Variants in BCL7C observed in about 807,000 individuals in gnomAD.
The protein encoded by BCL7C is B-cell CLL/lymphoma 7 protein family member C.
A neutral mutation model predicts 26.2 loss-of-function variants in BCL7C; 8 were observed. The ratio of observed to expected loss-of-function variants is 0.30; its 90% CI spans 0.18 to 0.55. The LOEUF is 0.55. BCL7C is among the 20% of genes least tolerant of loss of function. The pLI is 0.93. For synonymous variants in BCL7C, 90 were observed against 116.5 expected (o/e 0.77, Z 1.47); for missense variants, 262 against 298.5 (o/e 0.88, Z 0.90).
chr16:30,886,821 GA>G (rs1173361144), downstream of BCL7C, among the ~76,000 whole-genome samples: 1 of 152,160 alleles, frequency 6.6e-6, no homozygotes. Context: ...TCAGGGCAGG[GA>G]ATGGGTTGGT....
intron 5 of BCL7C, among the ~76,000 whole-genome samples, chr16:30,836,896 C>T (rs747190727): frequency 4.6e-5 from 7 of 151,662 alleles, no homozygotes; most frequent in Non-Finnish European, 7.4e-5. Flanking sequence ...CAGGTTCAAG[C>T]GATTCTCCTG....
chr16:30,851,709 A>T, intron 5 of BCL7C: 1 of 715,962 alleles, frequency 1.4e-6, no homozygotes, highest in Non-Finnish European at 2.3e-6. Context: ...AGAAAGTTGC[A>T]GTGGATCAGA....
At chr16:30,858,460 T>TA (rs1311375468) in intron 5 of BCL7C, among the ~76,000 whole-genome samples, 1 of 152,128 alleles carries the variant, frequency 6.6e-6, no homozygotes, top group Non-Finnish European at 1.5e-5. Flanking sequence ...TGCTTATTCC[T>TA]AGGGACCCAA....
In BCL7C at chr16:30,881,691, G is replaced by A. The variant is rs371694354; in HGVS notation, c.528+7169C>T. The stretch of plus-strand genomic sequence containing the variant: ...CACTCCCCTGCCCCTCCCTCCCTCC[G>A]CTCCAGTCACACTGGCTCTCCTTTG... On this transcript the variant is annotated intron_variant, in intron 5 of 5. Transcript: ENST00000380317. 5.1e-4 allele frequency among the ~76,000 whole-genome samples: 78 copies of A among 151,768 alleles called. 1 individual carries two copies. The highest frequency in any genetic ancestry group is 1.8e-3 in the African/African-American group (75 of 41,364).
At chr16:30,855,437 T>G (rs1382067561) in intron 5 of BCL7C, among the ~76,000 whole-genome samples, 7 of 151,896 alleles carry the variant, frequency 4.6e-5, no homozygotes, top group Non-Finnish European at 8.8e-5. Flanking sequence ...GAGATGGGGT[T>G]TCACCACATT....
chr16:30,858,584 G>T lies in BCL7C; in HGVS notation c.529-23436C>A, dbSNP rs192351240. On this transcript the variant is annotated intron_variant, in intron 5 of 5. Transcript: ENST00000380317. ...CCAGTGGTTCACAGACCCATCCTGT[G>T]GTTACTTCCTCAATGCCAGGAAAAA... Among the ~76,000 whole-genome samples the T allele has an allele frequency of 8.5e-5, 13 of 152,248 alleles. No individual in the cohort carries two copies. In the East Asian group the frequency reaches 2.5e-3, roughly 29 times the overall value.
rs753441767 is a variant in BCL7C, at chr16:30,892,797, C to T, written c.280+43G>A. 6 of 1,614,000 alleles carry T rather than the reference C, an allele frequency of 3.7e-6. No individual in the cohort carries two copies. The Admixed American group carries it at 1.0e-4, about 27-fold the overall frequency. The stretch of plus-strand genomic sequence containing the variant: ...TTGGCCTGAGATCCCTAGTACACTC[C>T]TTCAGTCCCCACAGCCCCCCGCGTT... On this transcript the variant is annotated intron_variant, in intron 3 of 5. Coordinates refer to ENST00000215115, the MANE Select transcript of BCL7C (RefSeq NM_004765.4).
At chr16:30,845,665 C>T (rs979210033) in intron 5 of BCL7C, among the ~76,000 whole-genome samples, 1 of 151,768 alleles carries the variant, frequency 6.6e-6, no homozygotes, top group African/African-American at 2.4e-5. Context: ...ATCTCAGCCC[C>T]GGGGATAGTA....
Position 30,860,744 on chromosome 16 carries a change from C to T in BCL7C, c.529-25596G>A, listed in dbSNP as rs1373890104. Among the ~76,000 whole-genome samples the T allele has an allele frequency of 2.6e-5, 4 of 152,148 alleles. No homozygotes were observed. In the East Asian group the frequency reaches 5.8e-4, roughly 22 times the overall value. The stretch of plus-strand genomic sequence containing the variant: ...GTCTCTGCTCCCAATGTGACTCGTC[C>T]CAAATCTTTCCTCTTTCTCTCCTGT... On this transcript the variant is annotated intron_variant, in intron 5 of 5. Transcript: ENST00000380317.
chr16:30,848,891 CA>C (rs58484131), intron 5 of BCL7C, among the ~76,000 whole-genome samples: 126,384 of 131,864 alleles, frequency 0.96, 60,584 homozygotes, highest in East Asian at 0.99. Context: ...GACTCCATCA[CA>C]AAAAAAAAAA....
chr16:30,888,087 C>T (rs2055163934), intron 5 of BCL7C, 97 bp from the exon 6 acceptor site: 1 of 1,351,304 alleles, frequency 7.4e-7, no homozygotes, highest in Admixed American at 2.8e-5. Flanking sequence ...CCCTCCCCTC[C>T]TGGGCCCGGG....
At chr16:30,847,274 T>C (rs1180954838) in intron 5 of BCL7C, among the ~76,000 whole-genome samples, 2 of 152,188 alleles carry the variant, frequency 1.3e-5, no homozygotes, top group African/African-American at 4.8e-5. Context: ...AAATTTGGAA[T>C]GGTGAATCTG....
downstream of BCL7C, among the ~76,000 whole-genome samples, chr16:30,885,759 G>A (rs2055123344): frequency 6.6e-6 from 1 of 152,182 alleles, no homozygotes; most frequent in Non-Finnish European, 1.5e-5. Context: ...GCAGTGATAA[G>A]AAACAGTTAC....
intron 5 of BCL7C, among the ~76,000 whole-genome samples, chr16:30,858,522 C>T (rs1272995908): frequency 6.6e-6 from 1 of 152,140 alleles, no homozygotes; most frequent in East Asian, 1.9e-4. Context: ...GGTCAGGGGA[C>T]AGATGGAATC....
chr16:30,845,556 T>C (rs1261584856), intron 5 of BCL7C, among the ~76,000 whole-genome samples: 1 of 152,162 alleles, frequency 6.6e-6, no homozygotes, highest in South Asian at 2.1e-4. Context: ...TTCTAGGAGG[T>C]CTCATTTGGT....
chr16:30,843,911 A>G (rs930828827), intron 5 of BCL7C, among the ~76,000 whole-genome samples: 1 of 151,948 alleles, frequency 6.6e-6, no homozygotes, highest in Non-Finnish European at 1.5e-5. Context: ...ATTGTGGCAC[A>G]TGCCTGTAAT....
At chr16:30,887,689 A>G, downstream of BCL7C, 3 of 1,058,804 alleles carry the variant, frequency 2.8e-6, no homozygotes, top group Non-Finnish European at 3.9e-6. Flanking sequence ...CACTACAGGA[A>G]GGTCCTCTCA....
At chr16:30,889,656 T>C (rs919628452) in intron 4 of BCL7C, among the ~76,000 whole-genome samples, 20 of 152,036 alleles carry the variant, frequency 1.3e-4, no homozygotes, top group Non-Finnish European at 1.6e-4. Flanking sequence ...GTCCCGCTGA[T>C]TTTTTGTATT....
intron 5 of BCL7C, among the ~76,000 whole-genome samples, chr16:30,874,285 T>A (rs1278596110): frequency 2.0e-5 from 3 of 151,356 alleles, no homozygotes; most frequent in Non-Finnish European, 4.4e-5. Context: ...CGTGAGCCAC[T>A]GAGCCCAGCC....
Sources: allele counts gnomAD v4.1 joint callset (sites outside exome capture counted in the v4.1 genomes callset), GRCh38; gene constraint gnomAD v4.1.1; transcripts MANE v1.5; gene names NCBI Gene and HGNC (gene_info 2026-07-23, HGNC 2026-07-21).